The following DCDC1 variants were observed in gnomAD, a reference collection of about 807,000 sequenced individuals.
DCDC1 encodes the protein doublecortin domain containing 1.
Under a neutral mutation model 178.3 loss-of-function variants are expected in DCDC1, and 200 were observed. That is an observed-to-expected ratio of 1.12 (90% confidence interval 1.00 to 1.26). DCDC1 has a LOEUF of 1.26. Among genes scored for constraint, DCDC1 ranks in the 50% most tolerant of loss-of-function variants. The pLI is 0.00. For synonymous variants in DCDC1, 690 were observed against 604.8 expected (o/e 1.14, Z -2.07); for missense variants, 1,983 against 1,749.2 (o/e 1.13, Z -2.38).
At chr11:31,248,042 T>C (rs1358160113) in intron 8 of DCDC1, among the ~76,000 whole-genome samples, 2 of 152,118 alleles carry the variant, frequency 1.3e-5, no homozygotes, top group African/African-American at 4.8e-5. Context: ...ATGCATGACA[T>C]GGTATTGTAA....
intron 1 of DCDC1, among the ~76,000 whole-genome samples, chr11:31,342,182 G>GA (rs1950588154): frequency 6.6e-6 from 1 of 152,088 alleles, no homozygotes; most frequent in Non-Finnish European, 1.5e-5. Context: ...TACAGGAGAT[G>GA]GGAAGCTCAA....
At chr11:31,128,801 C>T (rs547048140) in intron 10 of DCDC1, among the ~76,000 whole-genome samples, 1 of 152,172 alleles carries the variant, frequency 6.6e-6, no homozygotes, top group Admixed American at 6.5e-5. Context: ...AGTAAGTGGC[C>T]AATGTACTGG....
intron 20 of DCDC1, among the ~76,000 whole-genome samples, chr11:31,041,902 A>G (rs1954483974): frequency 6.6e-6 from 1 of 152,234 alleles, no homozygotes; most frequent in South Asian, 2.1e-4. Context: ...TTTATATGTC[A>G]TATAAAATAT....
intron 20 of DCDC1, among the ~76,000 whole-genome samples, chr11:31,005,784 T>C (rs996864729): frequency 6.6e-6 from 1 of 151,874 alleles, no homozygotes; most frequent in African/African-American, 2.4e-5. Context: ...TATAAATACC[T>C]ACAAAAACAT....
At chr11:31,133,766 C>A (rs1442841014) in intron 10 of DCDC1, among the ~76,000 whole-genome samples, 2 of 152,096 alleles carry the variant, frequency 1.3e-5, no homozygotes, top group African/African-American at 4.8e-5. Context: ...TGCAGTGGCA[C>A]GAACTCGGCT....
chr11:30,948,915 T>C (rs1948232102), intron 21 of DCDC1, among the ~76,000 whole-genome samples: 1 of 152,128 alleles, frequency 6.6e-6, no homozygotes, highest in Non-Finnish European at 1.5e-5. Flanking sequence ...GAAGAAAACC[T>C]AGGCAATACC....
intron 38 of DCDC1, among the ~76,000 whole-genome samples, chr11:30,873,387 AAC>A (rs1941814815): frequency 1.3e-5 from 2 of 150,256 alleles, no homozygotes; most frequent in African/African-American, 4.9e-5. Context: ...AGAGAGAGAG[AAC>A]AAACTGGTAT....
intron 9 of DCDC1, among the ~76,000 whole-genome samples, chr11:31,180,858 A>T (rs139929622): frequency 6.6e-6 from 1 of 151,682 alleles, no homozygotes; most frequent in Non-Finnish European, 1.5e-5. Context: ...AACACCAGTG[A>T]GACAGAACTG....
chr11:31,106,272 C>T (rs569309175), intron 13 of DCDC1, among the ~76,000 whole-genome samples: 11 of 152,304 alleles, frequency 7.2e-5, no homozygotes, highest in Middle Eastern at 3.4e-3. Flanking sequence ...TTATCTTTAG[C>T]TGTCCTGTCA....
intron 7 of DCDC1, among the ~76,000 whole-genome samples, chr11:31,278,108 A>G (rs985122169): frequency 4.6e-5 from 7 of 152,130 alleles, no homozygotes; most frequent in Non-Finnish European, 1.0e-4. Context: ...ACACAGAAAT[A>G]TCCAATTGTT....
At chr11:31,217,391 C>A (rs1973723670) in intron 9 of DCDC1, among the ~76,000 whole-genome samples, 1 of 152,120 alleles carries the variant, frequency 6.6e-6, no homozygotes. Context: ...ATCTGGAGGA[C>A]TATAAACAAC....
intron 9 of DCDC1, among the ~76,000 whole-genome samples, chr11:31,201,566 CT>C: frequency 6.6e-6 from 1 of 151,792 alleles, no homozygotes; most frequent in South Asian, 2.1e-4. Flanking sequence ...ACCCAGTACC[CT>C]TTTTTCCCAC....
chr11:31,227,697 C>A (rs2136736803), intron 9 of DCDC1, among the ~76,000 whole-genome samples: 1 of 151,788 alleles, frequency 6.6e-6, no homozygotes, highest in East Asian at 1.9e-4. Context: ...CTAAACATCC[C>A]AATTAAAAGA....
At chr11:31,104,192 T>C (rs1958697751) in intron 13 of DCDC1, among the ~76,000 whole-genome samples, 1 of 152,180 alleles carries the variant, frequency 6.6e-6, no homozygotes. Flanking sequence ...AATGCCATGC[T>C]GATTTGATTT....
intron 20 of DCDC1, among the ~76,000 whole-genome samples, chr11:31,022,313 T>C (rs1293571120): frequency 1.3e-5 from 2 of 152,158 alleles, no homozygotes; most frequent in East Asian, 3.8e-4. Flanking sequence ...TCTCTGCCTC[T>C]ATTGACAGAT....
At chr11:31,147,757 C>T (rs1393103917) in intron 9 of DCDC1, among the ~76,000 whole-genome samples, 1 of 152,042 alleles carries the variant, frequency 6.6e-6, no homozygotes, top group East Asian at 1.9e-4. Flanking sequence ...TTAGGCAAAA[C>T]CATAATTTAA....
intron 15 of DCDC1, among the ~76,000 whole-genome samples, chr11:31,101,531 C>T (rs889023293): frequency 6.6e-6 from 1 of 152,116 alleles, no homozygotes; most frequent in Non-Finnish European, 1.5e-5. Flanking sequence ...ATAGAGATAG[C>T]AGCCATCTTA....
chr11:31,349,241 T>G (rs931247901), intron 1 of DCDC1, among the ~76,000 whole-genome samples: 1 of 152,218 alleles, frequency 6.6e-6, no homozygotes, highest in African/African-American at 2.4e-5. Context: ...TGCATATTCT[T>G]ATCACTTTAT....
At chr11:31,283,296 G>GC (rs1237043619) in intron 7 of DCDC1, among the ~76,000 whole-genome samples, 1 of 151,718 alleles carries the variant, frequency 6.6e-6, no homozygotes. Context: ...AGTTTGGATA[G>GC]CTTCATTGCC....
Sources: gnomAD v4.1 joint callset for allele counts (sites outside exome capture counted in the v4.1 genomes callset) on GRCh38, gnomAD v4.1.1 for gene constraint, MANE v1.5 for transcripts, NCBI Gene and HGNC (gene_info 2026-07-23, HGNC 2026-07-21) for gene names.